ZNF282: variants seen among roughly 807,000 people sequenced by gnomAD.
ZNF282 encodes the protein zinc finger protein 282.
ZNF282 carries 30 observed loss-of-function variants against 61.9 expected under a neutral mutation model. The ratio of observed to expected loss-of-function variants is 0.48; its 90% confidence interval spans 0.36 to 0.66. ZNF282 has a LOEUF of 0.66. Ranked by LOEUF, ZNF282 falls within the 30% of genes least tolerant of loss-of-function variation. The pLI, the probability that ZNF282 is intolerant of heterozygous loss-of-function variation, is 0.00. For missense variants in ZNF282, 788 were observed against 941.4 expected (o/e 0.84, Z 2.13); for synonymous variants, 396 against 405.0 (o/e 0.98, Z 0.27).
In ZNF282 at chr7:149,197,665, G is replaced by T. The variant is rs1795840491; in HGVS notation, c.166-668G>T. 3.3e-5 allele frequency among the ~76,000 whole-genome samples: 5 copies of T among 152,208 alleles called. No homozygotes were observed. In the South Asian group the frequency reaches 1.0e-3, roughly 32 times the overall value. Reference sequence around the variant, plus strand: ...TTTTTGTGTTTTTAGTAGAGACAGGGTTTCGCCATGTTGGCCAGGCTGGTC... The same window carrying T: ...TTTTTGTGTTTTTAGTAGAGACAGGTTTTCGCCATGTTGGCCAGGCTGGTC... On this transcript the variant is annotated intron_variant, in intron 1 of 7. Transcript: ENST00000610704.
At chr7:149,202,569 T>A (rs1278413945) in intron 2 of ZNF282, among the ~76,000 whole-genome samples, 1 of 152,014 alleles carries the variant, frequency 6.6e-6, no homozygotes, top group African/African-American at 2.4e-5. Context: ...CCGCCTTGGC[T>A]TCCCAGAGTG....
chr7:149,210,995 AT>A (rs570578904), intron 5 of ZNF282, among the ~76,000 whole-genome samples: 251 of 152,340 alleles, frequency 1.6e-3, no homozygotes, highest in African/African-American at 5.4e-3. Flanking sequence ...TAGAAACAAT[AT>A]CCTGGCAGAA....
chr7:149,217,095 A>G (rs1418827697), intron 7 of ZNF282, among the ~76,000 whole-genome samples: 1 of 152,240 alleles, frequency 6.6e-6, no homozygotes, highest in East Asian at 1.9e-4. Flanking sequence ...CCCACAGAAT[A>G]TGACGTGAAA....
rs887437726 is a variant in ZNF282, at chr7:149,198,067, G to T, written c.166-266G>T. Reference sequence around the variant, plus strand: ...AGTGGCCTGTGACATTTTAGGCAGGGGTTGCAGCCTTAACTTGCTAAGGGT... The same window carrying T: ...AGTGGCCTGTGACATTTTAGGCAGGTGTTGCAGCCTTAACTTGCTAAGGGT... On this transcript the variant is annotated intron_variant, in intron 1 of 7. Transcript: ENST00000610704. This position sits in a 1 kb window ranked among gnomAD's most constrained non-coding sequence, Gnocchi z 4.3. Among the ~76,000 whole-genome samples the T allele has an allele frequency of 3.9e-5, 6 of 152,212 alleles. No individual in the cohort carries two copies. The highest frequency in any genetic ancestry group is 8.8e-5 in the Non-Finnish European group (6 of 68,032).
At chr7:149,216,892 T>C (rs1796167023) in intron 7 of ZNF282, among the ~76,000 whole-genome samples, 1 of 152,258 alleles carries the variant, frequency 6.6e-6, no homozygotes, top group African/African-American at 2.4e-5. Flanking sequence ...AATGAGTGTA[T>C]ACTGAGTCTC....
At chr7:149,201,938 C>T (rs1296611829) in intron 2 of ZNF282, among the ~76,000 whole-genome samples, 8 of 152,114 alleles carry the variant, frequency 5.3e-5, no homozygotes, top group Non-Finnish European at 1.5e-5. Context: ...AGGGACTCTC[C>T]ACTGAGAAGC....
In ZNF282 at chr7:149,209,315, CA is replaced by C. The variant is rs534333126; in HGVS notation, c.833-1258del. On this transcript the variant is annotated intron_variant, in intron 4 of 7. Transcript: ENST00000610704. Reference sequence around the variant, plus strand: ...CCAGCCTGGGAGACAGATTCCGTCTCAAAAAAAAAAAAGAAACCCCACACCC... The same window carrying C: ...CCAGCCTGGGAGACAGATTCCGTCTCAAAAAAAAAAAGAAACCCCACACCC... Among the ~76,000 whole-genome samples, 287 of 140,156 alleles carry C rather than the reference CA, an allele frequency of 2.0e-3. 2 individuals carry two copies. Among genetic ancestry groups the C allele is most frequent in the South Asian group, 0.018 (77 of 4,306 alleles). The allele number at this position is 140,156 out of a possible 152,430, so 91.9% of individuals were successfully genotyped here. A position where few individuals can be genotyped will look rare whatever the true frequency, so the allele number is the denominator to read the frequency against.
chr7:149,224,471 A>T lies in ZNF282; in HGVS notation c.1840A>T (p.Lys614Ter), dbSNP rs1338637573. 6.2e-7 allele frequency: 1 copy of T among 1,613,438 alleles called. No homozygotes were observed. Residue 614 changes from lysine (K) to a stop codon, truncating the protein, a stop_gained, in exon 8 of 8, where the codon AAG (lysine) becomes TAG (stop). Coordinates refer to ENST00000610704, the MANE Select transcript of ZNF282 (RefSeq NM_003575.4). LOFTEE classifies it high-confidence loss of function. ...ACTGTGCGGCAAGAGCTTCATCCGC[A>T]AGCAGAACCTGCTCAAGCACCAGCG... ...CALCGKSFIR[K>*]QNLLKHQRIH... is the part of the protein sequence containing the mutation.
chr7:149,220,311 C>T (rs925181684), intron 7 of ZNF282, among the ~76,000 whole-genome samples: 1 of 152,004 alleles, frequency 6.6e-6, no homozygotes, highest in Non-Finnish European at 1.5e-5. Flanking sequence ...ACTCGGGAGG[C>T]TGAGGCAGGA....
At chr7:149,201,816 G>A (rs1795915191) in intron 2 of ZNF282, among the ~76,000 whole-genome samples, 1 of 152,018 alleles carries the variant, frequency 6.6e-6, no homozygotes, top group Non-Finnish European at 1.5e-5. Context: ...GCCCATGTCT[G>A]TTTATGGCCC....
chr7:149,220,280 T>C lies in ZNF282; in HGVS notation c.1181-3532T>C, dbSNP rs11971883. ...AAAAATTAGCCTGGCGTAGTCGTGG[T>C]GGGCGCCTGTAGTCCCAGCTACTCG... On this transcript the variant is annotated intron_variant, in intron 7 of 7. Coordinates refer to ENST00000610704, the MANE Select transcript of ZNF282 (RefSeq NM_003575.4). 1.8e-3 allele frequency among the ~76,000 whole-genome samples: 276 copies of C among 151,128 alleles called. 2 individuals carry two copies. The highest frequency in any genetic ancestry group is 6.3e-3 in the African/African-American group (261 of 41,152).
intron 2 of ZNF282, among the ~76,000 whole-genome samples, chr7:149,205,454 A>C (rs1451157582): frequency 6.6e-6 from 1 of 152,176 alleles, no homozygotes; most frequent in African/African-American, 2.4e-5. Context: ...AATAAATAAA[A>C]ATAAAAATAA....
intron 7 of ZNF282, 28 bp from the exon 8 acceptor site, chr7:149,223,784 A>G: frequency 6.8e-7 from 1 of 1,475,530 alleles, no homozygotes; most frequent in South Asian, 1.4e-5. Flanking sequence ...AACCCCTGTC[A>G]GCATGTCACT....
intron 7 of ZNF282, 138 bp from the exon 8 acceptor site, chr7:149,223,674 G>A: frequency 2.1e-6 from 2 of 971,148 alleles, no homozygotes; most frequent in Non-Finnish European, 2.7e-6. Context: ...GTAGATCGTG[G>A]CCCAGCACCT....
chr7:149,206,493 G>T (rs1433224212), intron 2 of ZNF282: 4 of 692,844 alleles, frequency 5.8e-6, no homozygotes, highest in Admixed American at 2.5e-5. Context: ...AAAAAGGCAG[G>T]GTTGACCATC....
At chr7:149,205,771 C>T (rs564671453) in intron 2 of ZNF282, among the ~76,000 whole-genome samples, 2 of 152,226 alleles carry the variant, frequency 1.3e-5, no homozygotes, top group East Asian at 1.9e-4. Context: ...AGGTGCCATA[C>T]AAGCCAGCTT....
At chr7:149,203,272 G>C (rs1356193366) in intron 2 of ZNF282, among the ~76,000 whole-genome samples, 1 of 152,222 alleles carries the variant, frequency 6.6e-6, no homozygotes, top group Non-Finnish European at 1.5e-5. Context: ...GACTTGACAA[G>C]GGCTCTTACA....
chr7:149,212,430 A>G lies in ZNF282; in HGVS notation c.1025A>G (p.Gln342Arg), dbSNP rs756526130. The G allele has an allele frequency of 2.5e-6, 4 of 1,613,252 alleles. No homozygotes were observed. Among genetic ancestry groups the G allele is most frequent in the Non-Finnish European group, 3.4e-6 (4 of 1,179,640 alleles). ...QEEHQCVWDQQDLADRDIPTD... is the reference protein window; with the variant it reads ...QEEHQCVWDQRDLADRDIPTD... ...GAGCATCAGTGCGTGTGGGATCAGC[A>G]GGATTTGGCAGACAGAGATATTCCC... The change falls in exon 6 of 8, where the codon CAG becomes CGG. Residue 342 changes from glutamine (Q) to arginine (R), a missense_variant. Physicochemically the swap from Gln to Arg is conservative, Grantham distance 43. This residue lies in a region of ZNF282 where 559 missense variants were observed against 642.0 expected (regional missense o/e 0.87). Coordinates refer to ENST00000610704, the MANE Select transcript of ZNF282 (RefSeq NM_003575.4).
chr7:149,207,929 A>G (rs1013625192), intron 4 of ZNF282, among the ~76,000 whole-genome samples: 2 of 152,218 alleles, frequency 1.3e-5, no homozygotes, highest in Non-Finnish European at 2.9e-5. Context: ...CTCGCCCTGC[A>G]AGCCGCTTGC....
Sources: gnomAD v4.1 joint callset for allele counts (sites outside exome capture counted in the v4.1 genomes callset) on GRCh38, gnomAD v4.1.1 for gene constraint, gnomAD v4.1.1 regional missense constraint, Gnocchi (gnomAD v3.1) non-coding constraint, MANE v1.5 for transcripts, NCBI Gene and HGNC (gene_info 2026-07-23, HGNC 2026-07-21) for gene names.